Variants in SIAH1 observed in about 807,000 individuals in gnomAD.
SIAH1 encodes siah E3 ubiquitin protein ligase 1, also known as E3 ubiquitin-protein ligase SIAH1.
A neutral mutation model predicts 20.0 loss-of-function variants in SIAH1; 2 were observed. The observed-to-expected ratio is 0.10, with a 90% CI of 0.04 to 0.31. The LOEUF (loss-of-function observed/expected upper bound fraction) is 0.31, where lower values mean the gene tolerates loss of function less well. Among genes scored for constraint, SIAH1 ranks in the 10% least tolerant of loss-of-function variants. The pLI, the probability that SIAH1 is intolerant of heterozygous loss-of-function variation, is 1.00. For synonymous variants in SIAH1, 118 were observed against 125.3 expected (o/e 0.94, Z 0.39); for missense variants, 119 against 355.3 (o/e 0.33, Z 5.35).
intron 1 of SIAH1, among the ~76,000 whole-genome samples, chr16:48,374,655 T>C (rs541642222): frequency 2.6e-5 from 4 of 152,166 alleles, no homozygotes; most frequent in African/African-American, 9.6e-5. Context: ...AACAACCTGA[T>C]GGAACATTTA....
At chr16:48,372,266 AATT>A (rs781045000) in intron 1 of SIAH1, among the ~76,000 whole-genome samples, 5 of 152,200 alleles carry the variant, frequency 3.3e-5, no homozygotes, top group Non-Finnish European at 7.4e-5. Context: ...ATTAAAATTC[AATT>A]ATATTCAGCT....
intron 1 of SIAH1, among the ~76,000 whole-genome samples, chr16:48,368,509 A>T (rs1437412236): frequency 6.6e-6 from 1 of 152,218 alleles, no homozygotes; most frequent in Non-Finnish European, 1.5e-5. Flanking sequence ...CATCCTGGCC[A>T]ACATGGTGAT....
At chr16:48,382,391 T>A (rs1016682193) in intron 1 of SIAH1, among the ~76,000 whole-genome samples, 8 of 151,328 alleles carry the variant, frequency 5.3e-5, no homozygotes, top group African/African-American at 1.5e-4. Flanking sequence ...CAAAAAAAAA[T>A]AAAAATAAAA....
chr16:48,376,882 A>C (rs1961122545), intron 1 of SIAH1, among the ~76,000 whole-genome samples: 1 of 152,240 alleles, frequency 6.6e-6, no homozygotes, highest in South Asian at 2.1e-4. Context: ...GCAAAATTTA[A>C]TGTGAAATAC....
intron 1 of SIAH1, among the ~76,000 whole-genome samples, chr16:48,381,557 C>A (rs1034207535): frequency 2.6e-5 from 4 of 152,104 alleles, no homozygotes; most frequent in Admixed American, 1.3e-4. Flanking sequence ...ATCTAGACAA[C>A]AGATTATTAT....
chr16:48,374,879 A>T (rs1403326593), intron 1 of SIAH1, among the ~76,000 whole-genome samples: 1 of 152,238 alleles, frequency 6.6e-6, no homozygotes, highest in African/African-American at 2.4e-5. Flanking sequence ...TAAATTAGGA[A>T]TGTAGGAATG....
At chr16:48,369,888 T>C (rs1960939020) in intron 1 of SIAH1, among the ~76,000 whole-genome samples, 1 of 152,224 alleles carries the variant, frequency 6.6e-6, no homozygotes, top group African/African-American at 2.4e-5. Context: ...CTTAATTTTG[T>C]GGTGTGATCA....
intron 1 of SIAH1, chr16:48,366,015 T>G: frequency 3.0e-6 from 2 of 662,552 alleles, no homozygotes; most frequent in Non-Finnish European, 1.9e-6. Context: ...GATGCCCGTC[T>G]TGCTCGCGCA....
chr16:48,385,430 C>G (rs1961433493), upstream of SIAH1: 1 of 152,924 alleles, frequency 6.5e-6, no homozygotes, highest in African/African-American at 2.4e-5. Context: ...GCCGCGCGCC[C>G]CCGCTAAATA....
At chr16:48,368,728 G>A (rs9936391) in intron 1 of SIAH1, among the ~76,000 whole-genome samples, 4,345 of 151,768 alleles carry the variant, frequency 0.029, 195 homozygotes, top group African/African-American at 0.098. Flanking sequence ...GGGCGACAGA[G>A]CAAGATTCCA....
At chr16:48,387,245 T>C (rs1225894864), upstream of SIAH1, 1 of 152,206 alleles carries the variant, frequency 6.6e-6, no homozygotes, top group Non-Finnish European at 1.5e-5. Context: ...AGAGTCCAAG[T>C]TACTTCTTAC....
rs1368253022 is a variant in SIAH1, at chr16:48,362,192, C to T, written c.237G>A (p.Leu79=). Residue 79 remains leucine (L), a synonymous_variant, in exon 2 of 2, where the codon TTG becomes TTA. Coordinates refer to ENST00000394725, the MANE Select transcript of SIAH1 (RefSeq NM_003031.4). This position sits in a 1 kb window ranked among gnomAD's most constrained non-coding sequence, Gnocchi z 4.2. ...CCATAGCCAAGTTGCGAATGGATCC[C>T]AAAGGGCCCCGGCAAGTTGGACAAC... is the stretch of plus-strand genomic sequence containing the variant. The part of the protein sequence containing the change: ...LTCCPTCRGP[L]GSIRNLAMEK... 6.2e-7 allele frequency: 1 copy of T among 1,614,166 alleles called. No homozygotes were observed. Among genetic ancestry groups the T allele is most frequent in the Non-Finnish European group, 8.5e-7 (1 of 1,180,028 alleles).
rs1345630486 is a variant in SIAH1 at position 48,361,274 on chromosome 16, C to T, written c.*306G>A. ...GCAAAAACAAACTTTTTCAACAATA[C>T]AATCAATCTACAACAAACACAAAAC... On this transcript the variant is annotated 3_prime_UTR_variant, in exon 2 of 2. Transcript: ENST00000394725. 1 of 297,742 alleles carries T rather than the reference C, an allele frequency of 3.4e-6. No individual in the cohort carries two copies. Among genetic ancestry groups the T allele is most frequent in the Non-Finnish European group, 6.5e-6 (1 of 154,436 alleles). The allele number at this position is 297,742 out of a possible 1,614,324, so 18.4% of individuals were successfully genotyped here. A position where few individuals can be genotyped will look rare whatever the true frequency, so the allele number is the denominator to read the frequency against.
intron 1 of SIAH1, among the ~76,000 whole-genome samples, chr16:48,384,595 G>A (rs1961390581): frequency 6.6e-6 from 1 of 152,042 alleles, no homozygotes; most frequent in Non-Finnish European, 1.5e-5. Context: ...GCACAATGAA[G>A]CCTCCGGCCG....
intron 1 of SIAH1, among the ~76,000 whole-genome samples, chr16:48,376,103 A>T (rs1174757738): frequency 1.3e-5 from 2 of 152,234 alleles, no homozygotes; most frequent in Non-Finnish European, 2.9e-5. Flanking sequence ...TCTTTGGCTG[A>T]GTAAAACAAA....
At chr16:48,383,517 G>A (rs1961352796) in intron 1 of SIAH1, among the ~76,000 whole-genome samples, 2 of 152,220 alleles carry the variant, frequency 1.3e-5, no homozygotes, top group African/African-American at 4.8e-5. Context: ...TTCTAAAAGT[G>A]ATGGTAACAC....
chr16:48,361,791 C>G lies in SIAH1; in HGVS notation c.638G>C (p.Gly213Ala). 1 of 1,614,148 alleles carries G rather than the reference C, an allele frequency of 6.2e-7. No homozygotes were observed. Among genetic ancestry groups the G allele is most frequent in the East Asian group, 2.2e-5 (1 of 44,880 alleles). The part of the protein sequence containing the change: ...QQFFAIVQLI[G>A]TRKQAENFAY... ...AAAATTTTCAGCTTGCTTGCGTGTT[C>G]CTATCAGCTGTACGATTGCGAAGAA... The change falls in exon 2 of 2, where the codon GGA becomes GCA. Residue 213 changes from glycine (G) to alanine (A), a missense_variant. Coordinates refer to ENST00000394725, the MANE Select transcript of SIAH1 (RefSeq NM_003031.4).
At chr16:48,376,912 G>A (rs2151052757) in intron 1 of SIAH1, among the ~76,000 whole-genome samples, 1 of 152,308 alleles carries the variant, frequency 6.6e-6, no homozygotes, top group Non-Finnish European at 1.5e-5. Flanking sequence ...AAACCAGGAA[G>A]AAGTTTTTAA....
chr16:48,370,427 G>A (rs558989593), intron 1 of SIAH1, among the ~76,000 whole-genome samples: 1 of 152,158 alleles, frequency 6.6e-6, no homozygotes, highest in East Asian at 1.9e-4. Context: ...CACATATTAA[G>A]CACCTACTAA....
Sources: allele counts gnomAD v4.1 joint callset (sites outside exome capture counted in the v4.1 genomes callset), GRCh38; gene constraint gnomAD v4.1.1; non-coding constraint Gnocchi (gnomAD v3.1); transcripts MANE v1.5; gene names NCBI Gene and HGNC (gene_info 2026-07-23, HGNC 2026-07-21).